ARMH4: variants seen among roughly 807,000 people sequenced by gnomAD.
The protein encoded by ARMH4 is armadillo like helical domain containing 4.
In ARMH4, 49 loss-of-function variants were observed where a neutral mutation model predicts 61.9. The observed-to-expected ratio is 0.79, with a 90% CI of 0.63 to 1.00. ARMH4 has a LOEUF of 1.00. Among genes scored for constraint, ARMH4 ranks in the 50% least tolerant of loss-of-function variants. The pLI is 0.00. For missense variants in ARMH4, 934 were observed against 930.0 expected (o/e 1.00, Z -0.06); for synonymous variants, 368 against 341.5 (o/e 1.08, Z -0.85).
chr14:58,070,839 C>G (rs913944136), intron 5 of ARMH4, among the ~76,000 whole-genome samples: 1 of 152,010 alleles, frequency 6.6e-6, no homozygotes, highest in African/African-American at 2.4e-5. Context: ...TACCCATTAA[C>G]CATCCCCAGC....
chr14:58,058,529 T>C (rs1201292020), intron 5 of ARMH4, among the ~76,000 whole-genome samples: 18 of 152,182 alleles, frequency 1.2e-4, no homozygotes, highest in Non-Finnish European at 1.5e-5. Context: ...TTCCAGGAAC[T>C]GAGGGTTCCT....
chr14:58,016,851 G>A (rs10134934), intron 5 of ARMH4, among the ~76,000 whole-genome samples: 80,639 of 152,028 alleles, frequency 0.53, 21,577 homozygotes, highest in East Asian at 0.67. Context: ...GGTCATATAT[G>A]ACAAGCCCAC....
At chr14:58,040,891 T>A (rs1242671610) in intron 5 of ARMH4, among the ~76,000 whole-genome samples, 1 of 152,222 alleles carries the variant, frequency 6.6e-6, no homozygotes. Flanking sequence ...GAATGCCCTC[T>A]GCATTTCAAA....
chr14:58,002,206 C>T lies in ARMH4; in HGVS notation c.*2530G>A, dbSNP rs1882008494. On this transcript the variant is annotated 3_prime_UTR_variant, in exon 8 of 8. Transcript: ENST00000267485. ...AAATATGACAACCTTTTCTGATCCTCTTAATAATCTAAGCCAACCACTGAA... is the reference window on the plus strand; with the variant it reads ...AAATATGACAACCTTTTCTGATCCTTTTAATAATCTAAGCCAACCACTGAA... The T allele has an allele frequency of 6.6e-6, 1 of 152,170 alleles. No individual in the cohort carries two copies. Among genetic ancestry groups the T allele is most frequent in the African/African-American group, 2.4e-5 (1 of 41,420 alleles). 9.4% of individuals were successfully genotyped at this position (152,170 alleles called of 1,614,324 possible).
chr14:58,076,857 ACCAGCCAC>A lies in ARMH4; in HGVS notation c.2089+19859_2089+19866del, dbSNP rs534657622. Reference sequence around the variant, plus strand: ...GCAACTAACTGCTAACTGACTGTTCACCAGCCACCCTGCCAAGAATCCTATAGTTGAAC... The same window carrying A: ...GCAACTAACTGCTAACTGACTGTTCACCTGCCAAGAATCCTATAGTTGAAC... On this transcript the variant is annotated intron_variant, in intron 5 of 7. Coordinates refer to ENST00000267485, the MANE Select transcript of ARMH4 (RefSeq NM_001001872.4). Among the ~76,000 whole-genome samples, 536 of 152,292 alleles carry A rather than the reference ACCAGCCAC, an allele frequency of 3.5e-3. 4 individuals carry two copies. Among genetic ancestry groups the A allele is most frequent in the Non-Finnish European group, 6.5e-3 (445 of 68,018 alleles).
chr14:58,020,935 C>T (rs959007859), intron 5 of ARMH4, among the ~76,000 whole-genome samples: 2 of 152,176 alleles, frequency 1.3e-5, no homozygotes, highest in Non-Finnish European at 2.9e-5. Context: ...GTCCAAAGGC[C>T]TGAGAACCAG....
intron 4 of ARMH4, among the ~76,000 whole-genome samples, chr14:58,108,164 T>C (rs977001149): frequency 6.6e-6 from 1 of 152,178 alleles, no homozygotes; most frequent in Non-Finnish European, 1.5e-5. Context: ...TCCAGGATCA[T>C]AAGGTTCTAA....
chr14:58,096,645 G>T, intron 5 of ARMH4, 79 bp downstream of exon 5: 3 of 1,469,598 alleles, frequency 2.0e-6, no homozygotes, highest in Non-Finnish European at 2.8e-6. Flanking sequence ...ACAATAGATG[G>T]CAATGAAAGA....
chr14:58,054,409 T>C (rs1042959136), intron 5 of ARMH4, among the ~76,000 whole-genome samples: 1 of 152,234 alleles, frequency 6.6e-6, no homozygotes, highest in African/African-American at 2.4e-5. Flanking sequence ...AGTGAAGATT[T>C]AGCTGCCTGC....
At chr14:58,010,883 T>C (rs1025443343) in intron 6 of ARMH4, among the ~76,000 whole-genome samples, 3 of 152,006 alleles carry the variant, frequency 2.0e-5, no homozygotes, top group African/African-American at 4.8e-5. Flanking sequence ...ATACTTTCTA[T>C]GGAAACAATG....
intron 1 of ARMH4, among the ~76,000 whole-genome samples, chr14:58,146,868 T>A (rs1380795169): frequency 1.3e-5 from 2 of 152,178 alleles, no homozygotes; most frequent in Non-Finnish European, 2.9e-5. Flanking sequence ...AGCTACTACT[T>A]CCAGTGTCAA....
intron 5 of ARMH4, among the ~76,000 whole-genome samples, chr14:58,046,050 G>A (rs1883925410): frequency 6.6e-6 from 1 of 152,188 alleles, no homozygotes; most frequent in South Asian, 2.1e-4. Flanking sequence ...CACCAGAACT[G>A]GGAGAGAACA....
rs901158858 is a variant in ARMH4, at chr14:58,131,418, T to C, written c.1831+94A>G. On this transcript the variant is annotated intron_variant, in intron 4 of 7. Coordinates refer to ENST00000267485, the MANE Select transcript of ARMH4 (RefSeq NM_001001872.4). ...ACTGTCCTCTGATCTATACTGCAGA[T>C]TGAATATACTCCTACTTAATTCTTT... is the stretch of plus-strand genomic sequence containing the variant. The C allele has an allele frequency of 5.9e-6, 6 of 1,018,070 alleles. No individual in the cohort carries two copies. The East Asian group carries it at 1.0e-4, about 18-fold the overall frequency. The allele number at this position is 1,018,070 out of a possible 1,614,324, so 63.1% of individuals were successfully genotyped here. A position where few individuals can be genotyped will look rare whatever the true frequency, so the allele number is the denominator to read the frequency against.
intron 5 of ARMH4, among the ~76,000 whole-genome samples, chr14:58,052,319 G>A (rs529604227): frequency 1.3e-5 from 2 of 152,208 alleles, no homozygotes; most frequent in Admixed American, 1.3e-4. Flanking sequence ...TGCCAGCTCT[G>A]TGCCAAGTAT....
intron 5 of ARMH4, among the ~76,000 whole-genome samples, chr14:58,031,341 T>C (rs1379766228): frequency 3.3e-5 from 5 of 152,240 alleles, no homozygotes; most frequent in South Asian, 4.1e-4. Flanking sequence ...GATTTGTTTT[T>C]ACCCAGTAAC....
chr14:58,121,713 A>G (rs1005839942), intron 4 of ARMH4, among the ~76,000 whole-genome samples: 2 of 152,176 alleles, frequency 1.3e-5, no homozygotes, highest in Non-Finnish European at 2.9e-5. Flanking sequence ...GGAAAAGACA[A>G]CAAAATGACT....
intron 5 of ARMH4, among the ~76,000 whole-genome samples, chr14:58,057,471 T>C (rs1884381552): frequency 6.6e-6 from 1 of 152,174 alleles, no homozygotes; most frequent in Non-Finnish European, 1.5e-5. Flanking sequence ...GTCATATAAC[T>C]AGTTAGTGTT....
At chr14:58,070,183 TG>T (rs1279126473) in intron 5 of ARMH4, among the ~76,000 whole-genome samples, 1 of 152,160 alleles carries the variant, frequency 6.6e-6, no homozygotes, top group Non-Finnish European at 1.5e-5. Flanking sequence ...GGTTCCCAAA[TG>T]GCTCAGTTTC....
At chr14:58,063,575 A>T (rs1043877701) in intron 5 of ARMH4, among the ~76,000 whole-genome samples, 23 of 152,172 alleles carry the variant, frequency 1.5e-4, no homozygotes, top group Non-Finnish European at 1.3e-4. Flanking sequence ...GATTATCTGC[A>T]TCCCAAGAAA....
Sources: allele counts gnomAD v4.1 joint callset (sites outside exome capture counted in the v4.1 genomes callset), GRCh38; gene constraint gnomAD v4.1.1; transcripts MANE v1.5; gene names NCBI Gene and HGNC (gene_info 2026-07-23, HGNC 2026-07-21).